The following TXN variants were observed in gnomAD, a reference collection of about 807,000 sequenced individuals.
TXN encodes the protein thioredoxin.
Under a neutral mutation model 16.5 loss-of-function variants are expected in TXN, and 10 were observed. That is an observed-to-expected ratio of 0.61 (90% CI 0.37 to 1.03). The LOEUF (loss-of-function observed/expected upper bound fraction) is 1.03. Ranked by LOEUF, TXN falls within the 50% of genes least tolerant of loss-of-function variation. The probability of loss-of-function intolerance (pLI) is 0.01; values close to 1 mark genes in which losing one functional copy is unlikely to be tolerated. For missense variants in TXN, 71 were observed against 122.5 expected (o/e 0.58, Z 1.98); for synonymous variants, 35 against 39.4 (o/e 0.89, Z 0.42).
At chr9:110,247,576 G>A (rs1032057423) in intron 3 of TXN, among the ~76,000 whole-genome samples, 3 of 152,100 alleles carry the variant, frequency 2.0e-5, no homozygotes, top group Admixed American at 1.3e-4. Flanking sequence ...ACAAATCTGC[G>A]CTGCAATTAC....
Position 110,250,881 on chromosome 9 carries a change from T to G in TXN, c.130-2A>C. Reference sequence around the variant, plus strand: ...GTTGGAATACTTTTCAGAGAGGGACTGGAAAATTTAAAATGAAAAATCCAA... The same window carrying G: ...GTTGGAATACTTTTCAGAGAGGGACGGGAAAATTTAAAATGAAAAATCCAA... On this transcript the variant is annotated splice_acceptor_variant, in intron 2 of 4. Transcript: ENST00000374517. LOFTEE classifies it high-confidence loss of function. 1 of 1,608,110 alleles carries G rather than the reference T, an allele frequency of 6.2e-7. No individual in the cohort carries two copies. Among genetic ancestry groups the G allele is most frequent in the Non-Finnish European group, 8.5e-7 (1 of 1,177,824 alleles).
At chr9:110,245,618 CTATA>C (rs1170640168) in intron 3 of TXN, among the ~76,000 whole-genome samples, 1,210 of 30,826 alleles carry the variant, frequency 0.039, 76 homozygotes, top group African/African-American at 0.049. Flanking sequence ...CACACACACA[CTATA>C]TATATATATA....
chr9:110,244,202 T>G lies in TXN; in HGVS notation c.273A>C (p.Gly91=), dbSNP rs1323735350. ...TGGCTTCAAGCTTTTCCTTATTGGC[T>G]CCAGAAAATTCACCCACCTGTTAAG... is the stretch of plus-strand genomic sequence containing the variant. ...KKGQKVGEFS[G]ANKEKLEATI... is the part of the protein sequence containing the mutation. Residue 91 remains glycine, a synonymous_variant, in exon 5 of 5, where the codon GGA becomes GGC. Transcript: ENST00000374517. 2.0e-5 allele frequency: 32 copies of G among 1,574,522 alleles called. No individual in the cohort carries two copies. The highest frequency in any genetic ancestry group is 2.8e-5 in the Non-Finnish European group (32 of 1,159,602).
Position 110,243,881 on chromosome 9 carries a change from G to A in TXN, c.*276C>T, listed in dbSNP as rs764800345. ...AGAGATTTTTGTAGCAATACATTAA[G>A]GTAGCAATAATAATTTTTAAAATCT... On this transcript the variant is annotated 3_prime_UTR_variant, in exon 5 of 5. Transcript: ENST00000374517. 14 of 188,148 alleles carry A rather than the reference G, an allele frequency of 7.4e-5. No homozygotes were observed. The highest frequency in any genetic ancestry group is 1.4e-4 in the Non-Finnish European group (13 of 91,526). 11.7% of individuals were successfully genotyped at this position (188,148 alleles called of 1,614,324 possible).
At chr9:110,252,223 C>CAAAAAAAA (rs377246017) in intron 1 of TXN, among the ~76,000 whole-genome samples, 4 of 58,420 alleles carry the variant, frequency 6.8e-5, no homozygotes, top group African/African-American at 3.7e-4. Context: ...GACTCTGTCG[C>CAAAAAAAA]AAAAAAAAAA....
chr9:110,245,778 C>T (rs979515207), intron 3 of TXN, among the ~76,000 whole-genome samples: 2 of 149,796 alleles, frequency 1.3e-5, no homozygotes, highest in African/African-American at 4.9e-5. Context: ...CAGGTGTGAG[C>T]CACCACACTC....
At chr9:110,247,575 C>T (rs1041508010) in intron 3 of TXN, among the ~76,000 whole-genome samples, 3 of 152,124 alleles carry the variant, frequency 2.0e-5, no homozygotes, top group Admixed American at 1.3e-4. Context: ...AACAAATCTG[C>T]GCTGCAATTA....
intron 3 of TXN, among the ~76,000 whole-genome samples, chr9:110,248,616 G>A (rs1837686877): frequency 6.6e-6 from 1 of 152,190 alleles, no homozygotes; most frequent in African/African-American, 2.4e-5. Flanking sequence ...ATGCATGACT[G>A]TACTTCCTAA....
At chr9:110,247,455 C>T (rs546782546) in intron 3 of TXN, among the ~76,000 whole-genome samples, 3 of 152,028 alleles carry the variant, frequency 2.0e-5, no homozygotes, top group Non-Finnish European at 4.4e-5. Context: ...ACATTTAGAT[C>T]GACAACAGAT....
intron 1 of TXN, among the ~76,000 whole-genome samples, chr9:110,253,690 C>T (rs1837769592): frequency 6.6e-6 from 1 of 152,152 alleles, no homozygotes; most frequent in Non-Finnish European, 1.5e-5. Flanking sequence ...AGGCACGCAA[C>T]AATAACTTTT....
At chr9:110,251,292 T>G in intron 2 of TXN, 66 bp downstream of exon 2, 1 of 1,205,434 alleles carries the variant, frequency 8.3e-7, no homozygotes, top group Non-Finnish European at 1.2e-6. Flanking sequence ...CTTTCTTTCC[T>G]ACCACTGTGA....
At chr9:110,255,199 G>GACCC (rs753138978) in intron 1 of TXN, among the ~76,000 whole-genome samples, 70 of 152,370 alleles carry the variant, frequency 4.6e-4, no homozygotes, top group Non-Finnish European at 9.3e-4. Context: ...GGCGGGCGAG[G>GACCC]ACCCGCCCTC....
intron 1 of TXN, 71 bp from the exon 2 acceptor site, chr9:110,251,533 C>A: frequency 1.7e-6 from 1 of 577,836 alleles, no homozygotes; most frequent in South Asian, 1.9e-5. Context: ...AGACTCGACA[C>A]AATGACACAA....
intron 3 of TXN, among the ~76,000 whole-genome samples, chr9:110,245,342 T>A (rs1275767047): frequency 6.6e-6 from 1 of 151,676 alleles, no homozygotes; most frequent in African/African-American, 2.4e-5. Flanking sequence ...TCTAAAAAAA[T>A]AAAAATCAAT....
intron 3 of TXN, among the ~76,000 whole-genome samples, chr9:110,245,680 A>C: frequency 1.1e-5 from 1 of 87,862 alleles, no homozygotes; most frequent in Non-Finnish European, 2.3e-5. Flanking sequence ...TTTTATAGGG[A>C]CAAGGTCTCT....
intron 3 of TXN, among the ~76,000 whole-genome samples, chr9:110,245,618 CTATATATATATATATATATATAT>C (rs1837639849): frequency 3.2e-5 from 1 of 30,890 alleles, no homozygotes. Context: ...CACACACACA[CTATATATATATATATATATATAT>C]ATATATATAT....
At chr9:110,244,321 G>GTATATATATACATATACATATA (rs1554766540) in intron 4 of TXN, 102 bp from the exon 5 acceptor site, 2 of 319,294 alleles carry the variant, frequency 6.3e-6, no homozygotes, top group East Asian at 7.6e-5. Flanking sequence ...ATATACATAT[G>GTATATATATACATATACATATA]TATATATATA....
At chr9:110,251,014 CATAG>C (rs1212458800) in intron 2 of TXN, 135 bp from the exon 3 acceptor site, 1 of 676,148 alleles carries the variant, frequency 1.5e-6, no homozygotes, top group African/African-American at 1.8e-5. Context: ...TCTTTGGAGA[CATAG>C]ATCTAAGAGA....
At chr9:110,252,668 C>G (rs545097905) in intron 1 of TXN, among the ~76,000 whole-genome samples, 1 of 152,050 alleles carries the variant, frequency 6.6e-6, no homozygotes, top group African/African-American at 2.4e-5. Flanking sequence ...GTTTTTGAGA[C>G]GGAGTTTCAC....
Sources: allele counts gnomAD v4.1 joint callset (sites outside exome capture counted in the v4.1 genomes callset), GRCh38; gene constraint gnomAD v4.1.1; transcripts MANE v1.5; gene names NCBI Gene and HGNC (gene_info 2026-07-23, HGNC 2026-07-21).